Variants in ZNF347 observed in about 807,000 individuals in gnomAD.
ZNF347 encodes the protein CTD-2620I22.7.
Under a neutral mutation model 12.9 loss-of-function variants are expected in ZNF347, and 19 were observed. The ratio of observed to expected loss-of-function variants is 1.47; its 90% CI spans 1.03 to 2.16. ZNF347 has a LOEUF of 2.16. Among genes scored for constraint, ZNF347 ranks in the 30% most tolerant of loss-of-function variants. The probability of loss-of-function intolerance (pLI) is 0.00; values close to 1 mark genes in which losing one functional copy is unlikely to be tolerated. For synonymous variants in ZNF347, 328 were observed against 340.6 expected (o/e 0.96, Z 0.41); for missense variants, 1,005 against 990.6 (o/e 1.01, Z -0.19).
intron 2 of ZNF347, among the ~76,000 whole-genome samples, chr19:53,150,737 TTTAC>T (rs553394752): frequency 1.6e-4 from 24 of 152,310 alleles, no homozygotes; most frequent in East Asian, 1.2e-3. Flanking sequence ...TATTTATTTA[TTTAC>T]TTACTTACTT....
In ZNF347 at chr19:53,140,500, T is replaced by C; in HGVS notation, c.2328A>G (p.Gln776=). ...TCTGATGCCTTGCAAGTTTTGAAGT[T>C]TGACTAAAGGCTTTGCCACACTCAT... ...KCNECGKAFS[Q]TSKLARHQRI... Residue 776 remains glutamine (Q), a synonymous_variant, in exon 5 of 5, where the codon CAA becomes CAG. Transcript: ENST00000334197. 6.2e-7 allele frequency: 1 copy of C among 1,613,820 alleles called. No homozygotes were observed. Among genetic ancestry groups the C allele is most frequent in the Non-Finnish European group, 8.5e-7 (1 of 1,179,906 alleles).
Position 53,140,323 on chromosome 19 carries a change from T to C in ZNF347, c.2505A>G (p.Pro835=). Residue 835 remains proline (P), a synonymous_variant, in exon 5 of 5, where the codon CCA becomes CCG. Transcript: ENST00000334197. ...VLKSEFKPCK[P]SQNS ...TTTCTCTCCACTATGAATTCTGTGATGGCTTGCAAGGTTTGAACTCTGACT... is the reference window on the plus strand; with the variant it reads ...TTTCTCTCCACTATGAATTCTGTGACGGCTTGCAAGGTTTGAACTCTGACT... The C allele has an allele frequency of 6.5e-7, 1 of 1,549,400 alleles. No individual in the cohort carries two copies. Among genetic ancestry groups the C allele is most frequent in the Non-Finnish European group, 8.7e-7 (1 of 1,152,696 alleles).
chr19:53,149,913 A>C (rs2090487103), intron 2 of ZNF347, among the ~76,000 whole-genome samples: 1 of 152,004 alleles, frequency 6.6e-6, no homozygotes, highest in African/African-American at 2.4e-5. Context: ...CCACCACGCC[A>C]TGCTCCTTCT....
chr19:53,142,608 A>G (rs2090437026), intron 4 of ZNF347, 52 bp from the exon 5 acceptor site: 2 of 1,355,706 alleles, frequency 1.5e-6, no homozygotes, highest in Admixed American at 3.2e-5. Context: ...TACGTAAACA[A>G]GTATTTTACA....
rs1274288134 is a variant in ZNF347 at position 53,136,054 on chromosome 19, A to G, written c.*4254T>C. The G allele has an allele frequency of 6.6e-6, 1 of 151,954 alleles. No individual in the cohort carries two copies. The allele number at this position is 151,954 out of a possible 1,614,324, so 9.4% of individuals were successfully genotyped here. On this transcript the variant is annotated 3_prime_UTR_variant, in exon 5 of 5. Coordinates refer to ENST00000334197, the MANE Select transcript of ZNF347 (RefSeq NM_032584.3). ...ATCTCCTTTGCATAAATGATAATTA[A>G]TATCTTGGGGACTCTCTTATTAACT...
At chr19:53,146,270 C>T (rs986805293) in intron 4 of ZNF347, among the ~76,000 whole-genome samples, 6 of 151,802 alleles carry the variant, frequency 4.0e-5, no homozygotes, top group Admixed American at 3.9e-4. Context: ...CCACCGTGCC[C>T]GGCCTAAAAA....
intron 1 of ZNF347, among the ~76,000 whole-genome samples, chr19:53,155,000 C>T (rs540911455): frequency 6.6e-6 from 1 of 151,186 alleles, no homozygotes; most frequent in African/African-American, 2.4e-5. Flanking sequence ...TGCAATGTTG[C>T]GATCTCGGCT....
intron 2 of ZNF347, among the ~76,000 whole-genome samples, chr19:53,152,938 T>A (rs1016884172): frequency 1.3e-5 from 2 of 151,852 alleles, no homozygotes; most frequent in Non-Finnish European, 2.9e-5. Flanking sequence ...TCAAAAAAAA[T>A]AAAATAAAAA....
Position 53,142,567 on chromosome 19 carries a change from T to G in ZNF347, c.272-11A>C. On this transcript the variant is annotated splice_polypyrimidine_tract_variant and intron_variant, in intron 4 of 4. Transcript: ENST00000334197. ...ATTCGGAAGAGAGAGCTACAAGATA[T>G]AAAGATCCATAGGTTTCCAATTAAT... is the stretch of plus-strand genomic sequence containing the variant. 6.5e-7 allele frequency: 1 copy of G among 1,540,360 alleles called. No homozygotes were observed. The highest frequency in any genetic ancestry group is 2.3e-5 in the East Asian group (1 of 44,024).
Position 53,141,612 on chromosome 19 carries a change from A to G in ZNF347, c.1216T>C (p.Cys406Arg). Reference sequence around the variant, plus strand: ...GAATTTTGAGTGAAGACCTTGCCACATTCATTACATTTGTAAGGTTTTTCT... The same window carrying G: ...GAATTTTGAGTGAAGACCTTGCCACGTTCATTACATTTGTAAGGTTTTTCT... ...SGEKPYKCNE[C>R]GKVFTQNSHL... Residue 406 changes from cysteine (C) to arginine (R), a missense_variant, in exon 5 of 5, where the codon TGT becomes CGT. Cys to Arg is a radical substitution (Grantham distance 180, BLOSUM62 -3). Transcript: ENST00000334197. 3 of 1,614,100 alleles carry G rather than the reference A, an allele frequency of 1.9e-6. No homozygotes were observed. Among genetic ancestry groups the G allele is most frequent in the South Asian group, 2.2e-5 (2 of 91,066 alleles).
chr19:53,153,668 C>A, intron 2 of ZNF347, 65 bp downstream of exon 2: 2 of 1,593,392 alleles, frequency 1.3e-6, no homozygotes, highest in South Asian at 1.1e-5. Flanking sequence ...AGATTCCCAA[C>A]TTCAAAGAAT....
At position 53,141,089 on chromosome 19, in the gene ZNF347, T is replaced by C. The variant is rs531348306; in HGVS notation, c.1739A>G (p.Gln580Arg). ...KCNECGKVFT[Q>R]NSHLARHRGI... ...CCGATGTCTTGCAAGGTGTGAATTC[T>C]GAGTGAAGACCTTGCCACACTCATT... Residue 580 changes from glutamine to arginine, a missense_variant, in exon 5 of 5, where the codon CAG becomes CGG. Transcript: ENST00000334197. The C allele has an allele frequency of 3.7e-6, 6 of 1,613,986 alleles. No individual in the cohort carries two copies. In the African/African-American group the frequency reaches 5.3e-5, roughly 14 times the overall value.
Position 53,140,105 on chromosome 19 carries a change from G to T in ZNF347, c.*203C>A. ...AGTAGAAATGGGGTTTCGCCATGTT[G>T]GTCAGGCTGGTCTTGAACTCCTGAC... is the stretch of plus-strand genomic sequence containing the variant. On this transcript the variant is annotated 3_prime_UTR_variant, in exon 5 of 5. Transcript: ENST00000334197. 1.9e-6 allele frequency: 1 copy of T among 519,708 alleles called. No individual in the cohort carries two copies. Among genetic ancestry groups the T allele is most frequent in the South Asian group, 3.2e-5 (1 of 31,690 alleles). 32.2% of individuals were successfully genotyped at this position (519,708 alleles called of 1,614,324 possible).
At chr19:53,151,262 G>A (rs555620824) in intron 2 of ZNF347, among the ~76,000 whole-genome samples, 3 of 152,216 alleles carry the variant, frequency 2.0e-5, no homozygotes, top group South Asian at 4.1e-4. Flanking sequence ...TTGGCCAGGC[G>A]TGGTGGCTCA....
intron 4 of ZNF347, among the ~76,000 whole-genome samples, chr19:53,144,555 A>C (rs1045349005): frequency 2.1e-4 from 32 of 152,218 alleles, no homozygotes; most frequent in African/African-American, 7.5e-4. Context: ...CCAGGCAGAA[A>C]ACCAATAAAA....
At position 53,141,925 on chromosome 19, in the gene ZNF347, A is replaced by C. The variant is rs1221443952; in HGVS notation, c.903T>G (p.Arg301=). 2 of 1,613,758 alleles carry C rather than the reference A, an allele frequency of 1.2e-6. No individual in the cohort carries two copies. The highest frequency in any genetic ancestry group is 4.5e-5 in the East Asian group (2 of 44,864). The stretch of plus-strand genomic sequence containing the variant: ...TCACCTGATGGGTAGTTAGGTTTGA[A>C]CGTGTTCTAAAGGCTTTGCCACACT... ...CYECGKAFRT[R]SNLTTHQVIH... Residue 301 remains arginine (R), a synonymous_variant, in exon 5 of 5, where the codon CGT becomes CGG. Coordinates refer to ENST00000334197, the MANE Select transcript of ZNF347 (RefSeq NM_032584.3).
intron 2 of ZNF347, among the ~76,000 whole-genome samples, chr19:53,151,400 T>C (rs1465325011): frequency 6.6e-6 from 1 of 151,908 alleles, no homozygotes; most frequent in Non-Finnish European, 1.5e-5. Context: ...TAGCCAGGCA[T>C]GGTGGCGGGC....
At chr19:53,149,018 G>A in intron 3 of ZNF347, 2 of 1,095,504 alleles carry the variant, frequency 1.8e-6, no homozygotes, top group South Asian at 1.7e-5. Flanking sequence ...AAAGCATGGG[G>A]ATAGAAAACA....
chr19:53,156,045 C>CGGGGGGGG (rs34037433), intron 1 of ZNF347, among the ~76,000 whole-genome samples: 2 of 17,044 alleles, frequency 1.2e-4, no homozygotes, highest in African/African-American at 4.6e-4. Flanking sequence ...ACTCCCAGCT[C>CGGGGGGGG]GGGGGGGGGG....
Sources: gnomAD v4.1 joint callset for allele counts (sites outside exome capture counted in the v4.1 genomes callset) on GRCh38, gnomAD v4.1.1 for gene constraint, MANE v1.5 for transcripts, NCBI Gene and HGNC (gene_info 2026-07-23, HGNC 2026-07-21) for gene names.